The following GPR19 variants were observed in gnomAD, a reference collection of about 807,000 sequenced individuals.
GPR19 encodes probable G protein-coupled receptor 19.
In GPR19, 14 loss-of-function variants were observed where a neutral mutation model predicts 28.5. The ratio of observed to expected loss-of-function variants is 0.49; its 90% CI spans 0.32 to 0.77. The LOEUF (loss-of-function observed/expected upper bound fraction) is 0.77, where lower values mean the gene tolerates loss of function less well. Among genes scored for constraint, GPR19 ranks in the 30% least tolerant of loss-of-function variants. The pLI, the probability that GPR19 is intolerant of heterozygous loss-of-function variation, is 0.03. For missense variants in GPR19, 409 were observed against 504.1 expected (o/e 0.81, Z 1.81); for synonymous variants, 173 against 184.1 (o/e 0.94, Z 0.49).
chr12:12,676,767 C>A (rs1945938211), intron 3 of GPR19, among the ~76,000 whole-genome samples: 2 of 152,326 alleles, frequency 1.3e-5, no homozygotes, highest in African/African-American at 2.4e-5. Context: ...AGTATGAGGT[C>A]TTTCAAATTC....
At chr12:12,691,645 T>A (rs1055918357) in intron 2 of GPR19, among the ~76,000 whole-genome samples, 1 of 152,214 alleles carries the variant, frequency 6.6e-6, no homozygotes, top group African/African-American at 2.4e-5. Flanking sequence ...CTTCATAGAT[T>A]CTTGTAAGGT....
the GPR19 span, chr12:12,703,460 G>T: frequency 4.1e-6 from 4 of 981,912 alleles, no homozygotes; most frequent in South Asian, 1.4e-4. Context: ...CAGGTAAATG[G>T]TAATCAAAGA....
chr12:12,690,272 T>C (rs1283483243), intron 2 of GPR19, among the ~76,000 whole-genome samples: 1 of 152,222 alleles, frequency 6.6e-6, no homozygotes, highest in Admixed American at 6.5e-5. Context: ...GTGTCTTTGC[T>C]ATATATGTGT....
At position 12,695,510 on chromosome 12, in the gene GPR19, T is replaced by A. The variant is rs1946248226; in HGVS notation, c.-231A>T. On this transcript the variant is annotated splice_region_variant and 5_prime_UTR_variant, in exon 2 of 4. Coordinates refer to ENST00000651487, the MANE Select transcript of GPR19 (RefSeq NM_006143.3). ...AATGCCGGTGCAGGTGTCCCATATA[T>A]CCTGAGAGACAAAAAGAGGTCAGAT... The A allele has an allele frequency of 6.6e-6, 1 of 152,178 alleles. No individual in the cohort carries two copies. Among genetic ancestry groups the A allele is most frequent in the Non-Finnish European group, 1.5e-5 (1 of 68,040 alleles). 9.4% of individuals were successfully genotyped at this position (152,178 alleles called of 1,614,324 possible).
At chr12:12,711,176 C>G in the GPR19 span, among the ~76,000 whole-genome samples, 7 of 151,968 alleles carry the variant, frequency 4.6e-5, no homozygotes, top group African/African-American at 1.7e-4. Flanking sequence ...TGCCTGCAAT[C>G]CCAGCTACTC....
At chr12:12,706,223 A>C in the GPR19 span, among the ~76,000 whole-genome samples, 31 of 152,308 alleles carry the variant, frequency 2.0e-4, no homozygotes, top group African/African-American at 7.0e-4. Context: ...TTCAGTGTTT[A>C]TCTTACTTGA....
chr12:12,666,330 T>C (rs150808127), intron 3 of GPR19, among the ~76,000 whole-genome samples: 102 of 152,332 alleles, frequency 6.7e-4, no homozygotes, highest in African/African-American at 2.3e-3. Context: ...ATATCCAGAA[T>C]GGTTGTGGTA....
chr12:12,662,726 T>G (rs1302490947), intron 3 of GPR19, among the ~76,000 whole-genome samples: 3 of 152,218 alleles, frequency 2.0e-5, no homozygotes, highest in Non-Finnish European at 4.4e-5. Context: ...TGACCCTTAG[T>G]CATACCGAGC....
chr12:12,670,816 C>T (rs1345224395), intron 3 of GPR19, among the ~76,000 whole-genome samples: 1 of 152,048 alleles, frequency 6.6e-6, no homozygotes, highest in Non-Finnish European at 1.5e-5. Flanking sequence ...GGCCTGGGTA[C>T]CTAATCATCA....
chr12:12,667,417 A>C (rs370712908), intron 3 of GPR19, among the ~76,000 whole-genome samples: 4 of 152,162 alleles, frequency 2.6e-5, no homozygotes, highest in East Asian at 3.8e-4. Context: ...GGGGCCAGGC[A>C]TGGTGGCTCA....
intron 2 of GPR19, among the ~76,000 whole-genome samples, chr12:12,689,849 C>A (rs1207499950): frequency 6.6e-6 from 1 of 152,196 alleles, no homozygotes; most frequent in Non-Finnish European, 1.5e-5. Flanking sequence ...CCAGCTACCA[C>A]GTCATAAGGA....
chr12:12,661,621 C>T lies in GPR19; in HGVS notation c.828G>A (p.Lys276=). 6.2e-7 allele frequency: 1 copy of T among 1,614,022 alleles called. No individual in the cohort carries two copies. The highest frequency in any genetic ancestry group is 8.5e-7 in the Non-Finnish European group (1 of 1,179,916). Residue 276 remains lysine (K), a synonymous_variant, in exon 4 of 4, where the codon AAG becomes AAA. Coordinates refer to ENST00000651487, the MANE Select transcript of GPR19 (RefSeq NM_006143.3). The surrounding 1 kb of genome is among the most constrained non-coding windows in gnomAD (Gnocchi z 4.2). ...ACAACAGATTTAAAATGAGGAACAT[C>T]TTGATAGTTTTCACTTTTGTCCGAG... ...IVPRTKVKTI[K]MFLILNLLFL... is the part of the protein sequence containing the mutation.
intron 3 of GPR19, among the ~76,000 whole-genome samples, chr12:12,682,914 AC>A (rs1946043288): frequency 1.3e-5 from 2 of 152,226 alleles, no homozygotes; most frequent in South Asian, 4.1e-4. Flanking sequence ...TGCAAAAGAT[AC>A]CTATTCCCTT....
intron 2 of GPR19, among the ~76,000 whole-genome samples, chr12:12,694,222 G>A (rs1189747463): frequency 3.2e-5 from 3 of 94,918 alleles, no homozygotes; most frequent in South Asian, 3.4e-4. Flanking sequence ...TTTTTGAGAC[G>A]GAGTCTCGCT....
Position 12,662,092 on chromosome 12 carries a change from C to G in GPR19, c.357G>C (p.Thr119=). Residue 119 remains threonine (T), a synonymous_variant, in exon 4 of 4, where the codon ACG becomes ACC. Transcript: ENST00000651487. ...TGGTGAACTGGAGCAGGACGAAAGG[C>G]GTGCTGGCAACGCTGATGAGAAGGT... ...CADLLISVAS[T]PFVLLQFTTG... is the part of the protein sequence containing the mutation. 1 of 1,614,182 alleles carries G rather than the reference C, an allele frequency of 6.2e-7. No homozygotes were observed. Among genetic ancestry groups the G allele is most frequent in the East Asian group, 2.2e-5 (1 of 44,884 alleles).
intron 2 of GPR19, among the ~76,000 whole-genome samples, chr12:12,690,318 C>CA (rs1454321359): frequency 2.0e-5 from 3 of 151,952 alleles, no homozygotes; most frequent in Non-Finnish European, 4.4e-5. Flanking sequence ...TTTATTAGGA[C>CA]AAAAAACATT....
intron 2 of GPR19, among the ~76,000 whole-genome samples, chr12:12,690,265 T>A (rs1946164190): frequency 6.6e-6 from 1 of 152,196 alleles, no homozygotes; most frequent in African/African-American, 2.4e-5. Context: ...TAAATAAGTG[T>A]CTTTGCTATA....
chr12:12,697,168 A>AAAAAAAAAAAAAC, upstream of GPR19, among the ~76,000 whole-genome samples: 1 of 149,234 alleles, frequency 6.7e-6, no homozygotes, highest in Non-Finnish European at 1.5e-5. Context: ...AAAAAAAAAA[A>AAAAAAAAAAAAAC]AAAAAAAAAG....
chr12:12,673,084 G>T (rs1945876875), intron 3 of GPR19, among the ~76,000 whole-genome samples: 2 of 152,138 alleles, frequency 1.3e-5, no homozygotes, highest in African/African-American at 4.8e-5. Context: ...TGGTTAGCTG[G>T]TTACCCAATG....
Sources: gnomAD v4.1 joint callset for allele counts (sites outside exome capture counted in the v4.1 genomes callset) on GRCh38, gnomAD v4.1.1 for gene constraint, Gnocchi (gnomAD v3.1) non-coding constraint, MANE v1.5 for transcripts, NCBI Gene and HGNC (gene_info 2026-07-23, HGNC 2026-07-21) for gene names.